Variants in IQCM observed in about 807,000 individuals in gnomAD.
The protein encoded by IQCM is IQ domain-containing protein M.
A neutral mutation model predicts 57.6 loss-of-function variants in IQCM; 45 were observed. The ratio of observed to expected loss-of-function variants is 0.78; its 90% confidence interval spans 0.62 to 1.00. The LOEUF is 1.00. Among genes scored for constraint, IQCM ranks in the 50% least tolerant of loss-of-function variants. The probability of loss-of-function intolerance (pLI) is 0.00; values close to 1 mark genes in which losing one functional copy is unlikely to be tolerated. For synonymous variants in IQCM, 148 were observed against 158.9 expected (o/e 0.93, Z 0.51); for missense variants, 468 against 511.6 (o/e 0.91, Z 0.82).
chr4:149,791,715 A>G (rs554095974), intron 2 of IQCM, among the ~76,000 whole-genome samples: 7 of 152,258 alleles, frequency 4.6e-5, no homozygotes, highest in Non-Finnish European at 8.8e-5. Flanking sequence ...AAGTAACATA[A>G]CCATACTTCA....
rs74633611 is a variant in IQCM, at chr4:149,740,443, G to A, written c.37+2212C>T. On this transcript the variant is annotated intron_variant, in intron 3 of 13. Coordinates refer to ENST00000636793, the MANE Select transcript of IQCM (RefSeq NM_001363507.2). ...AAATGTGTAAATAAATGCCTTGACA[G>A]TCAGTTAAGATAGGCACTGTGATAG... is the stretch of plus-strand genomic sequence containing the variant. Among the ~76,000 whole-genome samples, 729 of 152,294 alleles carry A rather than the reference G, an allele frequency of 4.8e-3. 3 individuals carry two copies. Among genetic ancestry groups the A allele is most frequent in the Non-Finnish European group, 7.5e-3 (507 of 68,028 alleles).
At chr4:149,576,333 C>G (rs1198155475) in intron 9 of IQCM, among the ~76,000 whole-genome samples, 3 of 151,716 alleles carry the variant, frequency 2.0e-5, no homozygotes, top group Non-Finnish European at 4.4e-5. Flanking sequence ...GCCCTTGTGT[C>G]TATTGTGCCC....
chr4:149,795,694 A>G (rs531146373), intron 2 of IQCM, among the ~76,000 whole-genome samples: 1 of 152,234 alleles, frequency 6.6e-6, no homozygotes, highest in Non-Finnish European at 1.5e-5. Flanking sequence ...AAGAGAGGGA[A>G]TAGTGAGGAG....
intron 12 of IQCM, among the ~76,000 whole-genome samples, chr4:149,440,581 CTGACATGCA>C (rs1735840525): frequency 6.6e-6 from 1 of 152,070 alleles, no homozygotes; most frequent in African/African-American, 2.4e-5. Context: ...TACATTAGCC[CTGACATGCA>C]AAAATATATA....
intron 4 of IQCM, 139 bp downstream of exon 4, chr4:149,735,237 G>A (rs1343385912): frequency 9.8e-6 from 4 of 406,150 alleles, no homozygotes; most frequent in Non-Finnish European, 1.7e-5. Context: ...TAGCTAGTGA[G>A]CATTTCATTT....
chr4:149,556,313 C>A (rs1404260138), intron 10 of IQCM, among the ~76,000 whole-genome samples: 1 of 112,548 alleles, frequency 8.9e-6, no homozygotes, highest in Non-Finnish European at 1.9e-5. Flanking sequence ...TTTTTTTTTT[C>A]TTAAGTAATT....
At chr4:149,744,858 T>G (rs1767779415) in intron 2 of IQCM, among the ~76,000 whole-genome samples, 1 of 152,002 alleles carries the variant, frequency 6.6e-6, no homozygotes, top group African/African-American at 2.4e-5. Context: ...TAAATCAAAT[T>G]TTAAATAAAG....
chr4:149,523,804 G>A (rs1745895967), intron 12 of IQCM, among the ~76,000 whole-genome samples: 1 of 151,906 alleles, frequency 6.6e-6, no homozygotes, highest in Non-Finnish European at 1.5e-5. Context: ...TTCTGGAAAT[G>A]GAATATTAAT....
intron 7 of IQCM, among the ~76,000 whole-genome samples, chr4:149,659,484 A>G (rs534730759): frequency 6.6e-6 from 1 of 152,252 alleles, no homozygotes; most frequent in Admixed American, 6.5e-5. Context: ...AAACTACTTT[A>G]AGGATCATAT....
At chr4:149,667,612 C>T (rs1005566782) in intron 7 of IQCM, among the ~76,000 whole-genome samples, 10 of 151,890 alleles carry the variant, frequency 6.6e-5, no homozygotes, top group African/African-American at 1.7e-4. Flanking sequence ...CTTCAGAAGG[C>T]GGGTAATAAC....
chr4:149,582,813 T>A (rs1435457079), intron 9 of IQCM, among the ~76,000 whole-genome samples: 1 of 151,642 alleles, frequency 6.6e-6, no homozygotes, highest in African/African-American at 2.4e-5. Flanking sequence ...GCAGGCTAAC[T>A]TTCCATTCAT....
chr4:149,408,295 A>G (rs778667339), intron 13 of IQCM, among the ~76,000 whole-genome samples: 2 of 152,204 alleles, frequency 1.3e-5, no homozygotes, highest in African/African-American at 2.4e-5. Flanking sequence ...GGTGATTATC[A>G]TATCTAAAAT....
At chr4:149,797,113 T>C (rs960209006) in intron 2 of IQCM, among the ~76,000 whole-genome samples, 2 of 152,078 alleles carry the variant, frequency 1.3e-5, no homozygotes, top group African/African-American at 4.8e-5. Context: ...ATAGGTGACC[T>C]TTCAGACAGA....
chr4:149,742,593 G>T, intron 3 of IQCM, 62 bp downstream of exon 3: 2 of 938,366 alleles, frequency 2.1e-6, no homozygotes, highest in South Asian at 5.4e-5. Flanking sequence ...TAATAGAAAA[G>T]AGTGGTTAAA....
intron 9 of IQCM, among the ~76,000 whole-genome samples, chr4:149,571,405 C>T (rs937703956): frequency 6.6e-6 from 1 of 152,046 alleles, no homozygotes; most frequent in Non-Finnish European, 1.5e-5. Flanking sequence ...AAGGCAAATA[C>T]CACATGACCT....
intron 13 of IQCM, among the ~76,000 whole-genome samples, chr4:149,396,024 G>A (rs1006986529): frequency 6.6e-6 from 1 of 151,838 alleles, no homozygotes; most frequent in Non-Finnish European, 1.5e-5. Context: ...CAAGATTTTT[G>A]TTAAATTTCT....
chr4:149,595,645 CAG>C (rs1328120976), intron 8 of IQCM, among the ~76,000 whole-genome samples: 8 of 152,182 alleles, frequency 5.3e-5, no homozygotes, highest in Admixed American at 4.6e-4. Flanking sequence ...ACGATTTAAA[CAG>C]AAAAAATGTC....
chr4:149,594,188 G>T (rs1020723158), intron 8 of IQCM, among the ~76,000 whole-genome samples: 1 of 152,280 alleles, frequency 6.6e-6, no homozygotes. Context: ...AGTCTTGGGA[G>T]GGTGTATGTG....
At chr4:149,747,758 GAACAGTGGCAAGCCCATGA>G (rs1342005110) in intron 2 of IQCM, among the ~76,000 whole-genome samples, 2 of 152,170 alleles carry the variant, frequency 1.3e-5, no homozygotes, top group African/African-American at 4.8e-5. Context: ...GGACCACATG[GAACAGTGGCAAGCCCATGA>G]AATCATACTC....
Sources: gnomAD v4.1 joint callset for allele counts (sites outside exome capture counted in the v4.1 genomes callset) on GRCh38, gnomAD v4.1.1 for gene constraint, MANE v1.5 for transcripts, NCBI Gene and HGNC (gene_info 2026-07-23, HGNC 2026-07-21) for gene names.